KIF26B: variants seen among roughly 807,000 people sequenced by gnomAD.
KIF26B encodes kinesin family member 26B, also known as kinesin-like protein KIF26B.
Under a neutral mutation model 151.2 loss-of-function variants are expected in KIF26B, and 63 were observed. That is an observed-to-expected ratio of 0.42 (90% CI 0.34 to 0.51). The LOEUF (loss-of-function observed/expected upper bound fraction) is 0.51. Among genes scored for constraint, KIF26B ranks in the 20% least tolerant of loss-of-function variants. The pLI is 0.07. For synonymous variants in KIF26B, 1,357 were observed against 1,262.1 expected (o/e 1.08, Z -1.59); for missense variants, 2,813 against 2,913.6 (o/e 0.97, Z 0.79).
rs1476991481 is a variant in KIF26B, at chr1:245,597,141, A to G, written c.1351-5436A>G. Among the ~76,000 whole-genome samples the G allele has an allele frequency of 6.6e-6, 1 of 152,136 alleles. No individual in the cohort carries two copies. Among genetic ancestry groups the G allele is most frequent in the Non-Finnish European group, 1.5e-5 (1 of 68,022 alleles). ...TAGCCCATTTACATTTAAGGTTAAT[A>G]TTGTTATGTGTGAATTTGATCCTGT... On this transcript the variant is annotated intron_variant, in intron 5 of 14. Coordinates refer to ENST00000407071, the MANE Select transcript of KIF26B (RefSeq NM_018012.4). This position sits in a 1 kb window ranked among gnomAD's most constrained non-coding sequence, Gnocchi z 4.6.
chr1:245,586,451 C>G (rs1441926069), intron 5 of KIF26B, among the ~76,000 whole-genome samples: 1 of 152,188 alleles, frequency 6.6e-6, no homozygotes, highest in Non-Finnish European at 1.5e-5. Context: ...TATTTTCCTT[C>G]TCTGTCCCTC....
intron 2 of KIF26B, among the ~76,000 whole-genome samples, chr1:245,285,027 G>A (rs748526455): frequency 5.9e-5 from 9 of 152,144 alleles, no homozygotes; most frequent in African/African-American, 9.7e-5. Flanking sequence ...CAACAAGAGC[G>A]CAACTCTGTC....
chr1:245,473,123 G>A (rs907673329), intron 4 of KIF26B, among the ~76,000 whole-genome samples: 6 of 152,228 alleles, frequency 3.9e-5, no homozygotes, highest in Non-Finnish European at 8.8e-5. Flanking sequence ...GTCAAGACCT[G>A]TGGGAAAATG....
chr1:245,221,749 G>C (rs1346850125), intron 2 of KIF26B, among the ~76,000 whole-genome samples: 7 of 152,184 alleles, frequency 4.6e-5, no homozygotes, highest in Non-Finnish European at 7.3e-5. Flanking sequence ...CATTCAACTT[G>C]ACAAACTCAG....
intron 5 of KIF26B, among the ~76,000 whole-genome samples, chr1:245,583,029 C>T (rs2043191152): frequency 6.6e-6 from 1 of 152,172 alleles, no homozygotes; most frequent in Non-Finnish European, 1.5e-5. Flanking sequence ...TAACCACCCC[C>T]TACTCACCCC....
At position 245,429,654 on chromosome 1, in the gene KIF26B, C is replaced by T. The variant is rs184249743; in HGVS notation, c.1166+9909C>T. On this transcript the variant is annotated intron_variant, in intron 4 of 14. Transcript: ENST00000407071. ...TTTGAGTTGCAGTCTCGCTCTGTCT[C>T]CCAGCCCAGATTGCAGTGGCACAAT... Among the ~76,000 whole-genome samples the T allele has an allele frequency of 5.0e-4, 76 of 152,290 alleles. 1 individual carries two copies. The East Asian group carries it at 0.012, about 24-fold the overall frequency.
chr1:245,690,192 TAAATG>T (rs1486669295), intron 12 of KIF26B, among the ~76,000 whole-genome samples: 2 of 152,080 alleles, frequency 1.3e-5, no homozygotes, highest in Non-Finnish European at 2.9e-5. Flanking sequence ...TAAAAAAAAA[TAAATG>T]AAATTTACGC....
chr1:245,160,883 AT>A (rs1181485427), intron 2 of KIF26B, among the ~76,000 whole-genome samples: 3 of 152,202 alleles, frequency 2.0e-5, no homozygotes, highest in Non-Finnish European at 4.4e-5. Flanking sequence ...AGATATAGAT[AT>A]CCCCACATGC....
intron 4 of KIF26B, among the ~76,000 whole-genome samples, chr1:245,470,146 G>A (rs372948037): frequency 2.6e-5 from 4 of 152,236 alleles, no homozygotes; most frequent in South Asian, 2.1e-4. Flanking sequence ...GTGTTGGGAA[G>A]ATGGGTCTGA....
At position 245,468,524 on chromosome 1, in the gene KIF26B, T is replaced by C. The variant is rs1201665245; in HGVS notation, c.1166+48779T>C. Among the ~76,000 whole-genome samples, 4 of 152,308 alleles carry C rather than the reference T, an allele frequency of 2.6e-5. No individual in the cohort carries two copies. In the East Asian group the frequency reaches 7.7e-4, roughly 29 times the overall value. ...TTCCAAGAATGGAACCATTGCACAA[T>C]GTCCCAGGAGTCATTTGTGATTTTT... On this transcript the variant is annotated intron_variant, in intron 4 of 14. Coordinates refer to ENST00000407071, the MANE Select transcript of KIF26B (RefSeq NM_018012.4).
At chr1:245,532,558 G>A (rs1004875669) in intron 4 of KIF26B, among the ~76,000 whole-genome samples, 4 of 152,100 alleles carry the variant, frequency 2.6e-5, no homozygotes, top group Middle Eastern at 3.4e-3. Flanking sequence ...AATTCACAGC[G>A]ATGATTTCCA....
At chr1:245,324,814 G>T (rs1489071456) in intron 2 of KIF26B, among the ~76,000 whole-genome samples, 2 of 152,114 alleles carry the variant, frequency 1.3e-5, no homozygotes, top group Admixed American at 6.5e-5. Flanking sequence ...GAAAATGGGG[G>T]CCGGGCACGG....
chr1:245,543,947 C>G (rs922531674), intron 5 of KIF26B, among the ~76,000 whole-genome samples: 1 of 152,028 alleles, frequency 6.6e-6, no homozygotes, highest in Admixed American at 6.6e-5. Context: ...GACTCCATCT[C>G]AATAAAAAAG....
intron 4 of KIF26B, among the ~76,000 whole-genome samples, chr1:245,487,903 C>A (rs35134217): frequency 0.032 from 4,877 of 152,168 alleles, 128 homozygotes; most frequent in Non-Finnish European, 0.05. Flanking sequence ...ATCCTCCTGC[C>A]TCAGCCTCCT....
chr1:245,302,638 C>A (rs1671444758), intron 2 of KIF26B, among the ~76,000 whole-genome samples: 1 of 152,110 alleles, frequency 6.6e-6, no homozygotes. Context: ...CGAGGAATTT[C>A]CCAACATATC....
intron 2 of KIF26B, among the ~76,000 whole-genome samples, chr1:245,363,834 G>A (rs990230900): frequency 5.3e-5 from 8 of 152,280 alleles, no homozygotes; most frequent in South Asian, 2.1e-4. Context: ...TGTGGCGGTC[G>A]TATTGATGTT....
At chr1:245,456,851 TTTTATTTTTA>T (rs1211460563) in intron 4 of KIF26B, among the ~76,000 whole-genome samples, 2 of 152,166 alleles carry the variant, frequency 1.3e-5, no homozygotes, top group African/African-American at 4.8e-5. Flanking sequence ...CATTTTTTAT[TTTTATTTTTA>T]TTTATTTGTT....
intron 4 of KIF26B, among the ~76,000 whole-genome samples, chr1:245,517,337 A>T (rs1006948156): frequency 6.6e-6 from 1 of 151,522 alleles, no homozygotes; most frequent in African/African-American, 2.4e-5. Context: ...CCTGGGTGAG[A>T]GAGTGAGACT....
In KIF26B at chr1:245,442,574, C is replaced by T. The variant is rs139920389; in HGVS notation, c.1166+22829C>T. Among the ~76,000 whole-genome samples the T allele has an allele frequency of 4.6e-3, 707 of 152,256 alleles. 5 individuals are homozygous for T. The highest frequency in any genetic ancestry group is 4.9e-3 in the Non-Finnish European group (333 of 68,008). On this transcript the variant is annotated intron_variant, in intron 4 of 14. Coordinates refer to ENST00000407071, the MANE Select transcript of KIF26B (RefSeq NM_018012.4). ...TTCTCAGGCAAAATCCGGTGGACAG[C>T]GGCTTTTAGCTTCAGCCTGACCATA...
Sources: allele counts gnomAD v4.1 joint callset (sites outside exome capture counted in the v4.1 genomes callset), GRCh38; gene constraint gnomAD v4.1.1; non-coding constraint Gnocchi (gnomAD v3.1); transcripts MANE v1.5; gene names NCBI Gene and HGNC (gene_info 2026-07-23, HGNC 2026-07-21).